Variants in VWA3B observed in about 807,000 individuals in gnomAD.
VWA3B encodes von Willebrand factor A domain containing 3B, also known as von Willebrand factor A domain-containing protein 3B.
A neutral mutation model predicts 158.3 loss-of-function variants in VWA3B; 138 were observed. That is an observed-to-expected ratio of 0.87 (90% CI 0.76 to 1.00). VWA3B has a LOEUF of 1.00. Among genes scored for constraint, VWA3B ranks in the 50% least tolerant of loss-of-function variants. The pLI, the probability that VWA3B is intolerant of heterozygous loss-of-function variation, is 0.00. For missense variants in VWA3B, 1,555 were observed against 1,565.1 expected (o/e 0.99, Z 0.11); for synonymous variants, 596 against 587.3 (o/e 1.01, Z -0.21).
At chr2:98,141,110 G>T (rs61005778) in intron 7 of VWA3B, among the ~76,000 whole-genome samples, 12 of 152,202 alleles carry the variant, frequency 7.9e-5, no homozygotes. Context: ...ATTGACTGTG[G>T]TGACACTTTT....
the VWA3B span, among the ~76,000 whole-genome samples, chr2:98,320,975 C>A: frequency 3.9e-5 from 6 of 152,106 alleles, 1 homozygote; most frequent in Non-Finnish European, 8.8e-5. Flanking sequence ...AGGCGTAGGA[C>A]GGAAAAAATG....
At chr2:98,123,052 T>C (rs1244921860) in intron 5 of VWA3B, among the ~76,000 whole-genome samples, 2 of 152,200 alleles carry the variant, frequency 1.3e-5, no homozygotes, top group African/African-American at 4.8e-5. Context: ...AAATGCCGTG[T>C]CCTATGTTTT....
the VWA3B span, among the ~76,000 whole-genome samples, chr2:98,328,957 A>T: frequency 6.6e-6 from 1 of 152,350 alleles, no homozygotes; most frequent in Admixed American, 6.5e-5. Context: ...ACATTAAACA[A>T]TAAGGTGTGG....
intron 14 of VWA3B, among the ~76,000 whole-genome samples, chr2:98,220,318 T>C (rs1189512562): frequency 2.6e-5 from 4 of 151,986 alleles, no homozygotes; most frequent in Non-Finnish European, 2.9e-5. Context: ...ATAAAAAGCA[T>C]TGGTAAAGAT....
intron 11 of VWA3B, 128 bp from the exon 12 acceptor site, chr2:98,194,233 A>T: frequency 1.2e-6 from 1 of 814,140 alleles, no homozygotes; most frequent in Admixed American, 2.6e-5. Flanking sequence ...TCTCTATTGA[A>T]TATAATTTTT....
At chr2:98,271,318 G>T (rs1688187520) in intron 22 of VWA3B, among the ~76,000 whole-genome samples, 1 of 152,106 alleles carries the variant, frequency 6.6e-6, no homozygotes, top group African/African-American at 2.4e-5. Flanking sequence ...AACATGTGAA[G>T]TGCTTAGTAT....
intron 3 of VWA3B, among the ~76,000 whole-genome samples, chr2:98,118,688 T>G (rs1674714977): frequency 6.6e-6 from 1 of 152,186 alleles, no homozygotes; most frequent in African/African-American, 2.4e-5. Context: ...CTACCCTCTT[T>G]GGGTCCCCTC....
At chr2:98,169,508 T>C (rs989935297) in intron 8 of VWA3B, among the ~76,000 whole-genome samples, 1 of 151,138 alleles carries the variant, frequency 6.6e-6, no homozygotes, top group African/African-American at 2.4e-5. Context: ...AGAAAACAAA[T>C]AGCAAGATGA....
chr2:98,280,903 C>T (rs111359572), intron 22 of VWA3B, among the ~76,000 whole-genome samples: 1 of 152,352 alleles, frequency 6.6e-6, no homozygotes, highest in African/African-American at 2.4e-5. Context: ...TTGATAGCAG[C>T]TCACAAGAAG....
At chr2:98,197,433 T>G (rs1304651301) in intron 12 of VWA3B, among the ~76,000 whole-genome samples, 1 of 152,206 alleles carries the variant, frequency 6.6e-6, no homozygotes, top group Non-Finnish European at 1.5e-5. Context: ...TCTGAAGCTA[T>G]GCAAATATCA....
rs534929526 is a variant in VWA3B, at chr2:98,267,305, CAT to C, written c.2844-3376_2844-3375del. Among the ~76,000 whole-genome samples, 1,057 of 151,516 alleles carry C rather than the reference CAT, an allele frequency of 7.0e-3. 32 individuals are homozygous for C. The highest frequency in any genetic ancestry group is 0.061 in the Admixed American group (932 of 15,224). Reference sequence around the variant, plus strand: ...CTTTTTCTGCATCTATTGAGATAATCATGTGGTTTTTTGTCTTTGGCTCTGTT... The same window carrying C: ...CTTTTTCTGCATCTATTGAGATAATCGTGGTTTTTTGTCTTTGGCTCTGTT... On this transcript the variant is annotated intron_variant, in intron 21 of 27. Transcript: ENST00000477737.
chr2:98,140,127 C>G (rs1041860785), intron 7 of VWA3B, among the ~76,000 whole-genome samples: 1 of 152,142 alleles, frequency 6.6e-6, no homozygotes, highest in African/African-American at 2.4e-5. Flanking sequence ...CCGAACACAT[C>G]CGAACATCAG....
chr2:98,117,481 G>A (rs942901254), intron 3 of VWA3B, among the ~76,000 whole-genome samples: 1 of 152,112 alleles, frequency 6.6e-6, no homozygotes, highest in African/African-American at 2.4e-5. Context: ...GCTGCGCTGG[G>A]GCAGCCAATG....
At position 98,298,000 on chromosome 2, in the gene VWA3B, TG is replaced by T. The variant is rs753015649; in HGVS notation, c.3257del (p.Gly1086AlafsTer19). The part of the protein sequence containing the change: ...KVVSTSFITP[V>X]GGAMPCPLLQ... Reference sequence around the variant, plus strand: ...GTGTCCACCTCCTTCATCACGCCTGTGGGGGGCGCCATGCCCTGCCCGCTGC... The same window carrying T: ...GTGTCCACCTCCTTCATCACGCCTGTGGGGGCGCCATGCCCTGCCCGCTGC... On this transcript the variant is annotated frameshift_variant, in exon 24 of 28. Coordinates refer to ENST00000477737, the MANE Select transcript of VWA3B (RefSeq NM_144992.5). LOFTEE classifies it high-confidence loss of function. The T allele has an allele frequency of 8.8e-6, 14 of 1,583,074 alleles. No individual in the cohort carries two copies. Among genetic ancestry groups the T allele is most frequent in the Middle Eastern group, 1.7e-4 (1 of 5,864 alleles).
intron 14 of VWA3B, among the ~76,000 whole-genome samples, chr2:98,227,085 G>A (rs746007316): frequency 6.6e-6 from 1 of 152,184 alleles, no homozygotes; most frequent in Non-Finnish European, 1.5e-5. Context: ...TGTTCAAATA[G>A]GAAGAGAAGA....
intron 20 of VWA3B, 109 bp from the exon 21 acceptor site, chr2:98,256,015 C>T (rs1161145992): frequency 4.5e-5 from 53 of 1,173,768 alleles, no homozygotes; most frequent in Non-Finnish European, 5.0e-5. Context: ...TGGCCTGGCT[C>T]AGTGGAGATG....
intron 22 of VWA3B, among the ~76,000 whole-genome samples, chr2:98,282,690 C>T (rs1406077687): frequency 6.6e-6 from 1 of 152,156 alleles, no homozygotes; most frequent in African/African-American, 2.4e-5. Context: ...TCACCCGCCT[C>T]AGCCACCAAA....
At chr2:98,170,284 C>T (rs372365187) in intron 8 of VWA3B, among the ~76,000 whole-genome samples, 22 of 152,222 alleles carry the variant, frequency 1.4e-4, no homozygotes, top group East Asian at 7.7e-4. Flanking sequence ...AATCATTAGT[C>T]GAATCACATT....
In VWA3B at chr2:98,312,437, C is replaced by T; in HGVS notation, c.*88C>T. ...GTTGACACTGAAACTGGCCCCTCCG[C>T]GGAGGTAAGGCCGCCCTCCGCGCCG... On this transcript the variant is annotated 3_prime_UTR_variant, in exon 28 of 28. Transcript: ENST00000477737. 1 of 1,498,424 alleles carries T rather than the reference C, an allele frequency of 6.7e-7. No individual in the cohort carries two copies. Among genetic ancestry groups the T allele is most frequent in the Non-Finnish European group, 8.9e-7 (1 of 1,122,964 alleles). 92.8% of individuals were successfully genotyped at this position (1,498,424 alleles called of 1,614,324 possible).
Sources: gnomAD v4.1 joint callset for allele counts (sites outside exome capture counted in the v4.1 genomes callset) on GRCh38, gnomAD v4.1.1 for gene constraint, MANE v1.5 for transcripts, NCBI Gene and HGNC (gene_info 2026-07-23, HGNC 2026-07-21) for gene names.